The following EPOR variants were observed in gnomAD, a reference collection of about 807,000 sequenced individuals.
EPOR encodes erythropoietin receptor.
In EPOR, 20 loss-of-function variants were observed where a neutral mutation model predicts 34.3. The observed-to-expected ratio is 0.58, with a 90% CI of 0.41 to 0.85. The LOEUF is 0.85. Among genes scored for constraint, EPOR ranks in the 40% least tolerant of loss-of-function variants. EPOR has a pLI of 0.00. For missense variants in EPOR, 601 were observed against 672.7 expected (o/e 0.89, Z 1.18); for synonymous variants, 312 against 299.0 (o/e 1.04, Z -0.45).
rs2144698306 is a variant in EPOR at position 11,381,802 on chromosome 19, T to C, written c.475A>G (p.Ser159Gly). 1 of 1,613,766 alleles carries C rather than the reference T, an allele frequency of 6.2e-7. No individual in the cohort carries two copies. The highest frequency in any genetic ancestry group is 8.5e-7 in the Non-Finnish European group (1 of 1,179,850). ...VGLVARLADE[S>G]GHVVLRWLPP... ...AGCCAGCGCAACACTACGTGGCCGC[T>C]CTCGTCAGCCAACCGCGCCACCAGC... Residue 159 changes from serine to glycine, a missense_variant, in exon 4 of 8, where the codon AGC becomes GGC. Transcript: ENST00000222139. The surrounding 1 kb of genome is among the most constrained non-coding windows in gnomAD (Gnocchi z 5.3).
In EPOR at chr19:11,377,364, A is replaced by C. The variant is rs893380239; in HGVS notation, c.*620T>G. 2.9e-5 allele frequency: 13 copies of C among 453,964 alleles called. No individual in the cohort carries two copies. Among genetic ancestry groups the C allele is most frequent in the Non-Finnish European group, 4.9e-5 (11 of 226,794 alleles). 28.1% of individuals were successfully genotyped at this position (453,964 alleles called of 1,614,324 possible). A position where few individuals can be genotyped will look rare whatever the true frequency, so the allele number is the denominator to read the frequency against. Reference sequence around the variant, plus strand: ...TTCCAGCCAGTGAGGTGTGAGAAGAAGAGAGGAAGCCCATTTCCAGGCCAG... The same window carrying C: ...TTCCAGCCAGTGAGGTGTGAGAAGACGAGAGGAAGCCCATTTCCAGGCCAG... On this transcript the variant is annotated 3_prime_UTR_variant, in exon 8 of 8. Coordinates refer to ENST00000222139, the MANE Select transcript of EPOR (RefSeq NM_000121.4).
Position 11,381,144 on chromosome 19 carries a change from G to C in EPOR, c.651C>G (p.Thr217=). 6.4e-7 allele frequency: 1 copy of C among 1,561,858 alleles called. No homozygotes were observed. The highest frequency in any genetic ancestry group is 8.7e-7 in the Non-Finnish European group (1 of 1,153,276). Residue 217 remains threonine (T), a synonymous_variant, in exon 5 of 8, where the codon ACC becomes ACG. Transcript: ENST00000222139. The surrounding 1 kb of genome is among the most constrained non-coding windows in gnomAD (Gnocchi z 5.3). ...CAGCCATACGCGCGCGGACGGCGAA[G>C]GTGTAGCGCGTCCGGCCCCGCAGGT... ...LSNLRGRTRY[T]FAVRARMAEP...
intron 2 of EPOR, among the ~76,000 whole-genome samples, chr19:11,382,361 CTT>C (rs869111819): frequency 2.9e-3 from 356 of 124,856 alleles, no homozygotes; most frequent in African/African-American, 0.01. Flanking sequence ...CCACGCCTGG[CTT>C]TTTTTTTTTT....
At position 11,381,761 on chromosome 19, in the gene EPOR, T is replaced by A; in HGVS notation, c.516A>T (p.Thr172=). Residue 172 remains threonine, a synonymous_variant, in exon 4 of 8, where the codon ACA becomes ACT. Coordinates refer to ENST00000222139, the MANE Select transcript of EPOR (RefSeq NM_000121.4). The surrounding 1 kb of genome is among the most constrained non-coding windows in gnomAD (Gnocchi z 5.3). ...VVLRWLPPPE[T]PMTSHIRYEV... Reference sequence around the variant, plus strand: ...CGTAGCGGATGTGAGACGTCATGGGTGTCTCAGGCGGCGGGAGCCAGCGCA... The same window carrying A: ...CGTAGCGGATGTGAGACGTCATGGGAGTCTCAGGCGGCGGGAGCCAGCGCA... 6.2e-7 allele frequency: 1 copy of A among 1,613,206 alleles called. No individual in the cohort carries two copies. The highest frequency in any genetic ancestry group is 1.3e-5 in the African/African-American group (1 of 75,014).
chr19:11,379,115 C>T (rs547246773), intron 6 of EPOR, among the ~76,000 whole-genome samples: 1 of 152,136 alleles, frequency 6.6e-6, no homozygotes, highest in Admixed American at 6.5e-5. Context: ...CATTTGAACC[C>T]AGGAGTTCAA....
chr19:11,379,140 A>G (rs1968322672), intron 6 of EPOR, among the ~76,000 whole-genome samples: 1 of 152,156 alleles, frequency 6.6e-6, no homozygotes, highest in Non-Finnish European at 1.5e-5. Context: ...AGCCTAGGAA[A>G]CATAGTGAGA....
chr19:11,383,389 G>A lies in EPOR; in HGVS notation c.116-157C>T, dbSNP rs1284225000. On this transcript the variant is annotated intron_variant, in intron 1 of 7. Coordinates refer to ENST00000222139, the MANE Select transcript of EPOR (RefSeq NM_000121.4). This position sits in a 1 kb window ranked among gnomAD's most constrained non-coding sequence, Gnocchi z 4.9. ...GGGTCCCTTGGAGGGGTCCGCAGAG[G>A]TGGTGCCCCCCTAATTCCCAGGGGC... The A allele has an allele frequency of 2.8e-6, 2 of 703,830 alleles. No homozygotes were observed. Among genetic ancestry groups the A allele is most frequent in the African/African-American group, 1.8e-5 (1 of 55,830 alleles). The allele number at this position is 703,830 out of a possible 1,614,324, so 43.6% of individuals were successfully genotyped here.
chr19:11,383,029 C>T lies in EPOR; in HGVS notation c.251+68G>A, dbSNP rs779647523. The T allele has an allele frequency of 1.9e-6, 3 of 1,609,008 alleles. No individual in the cohort carries two copies. Among genetic ancestry groups the T allele is most frequent in the Middle Eastern group, 1.6e-4 (1 of 6,078 alleles). On this transcript the variant is annotated intron_variant, in intron 2 of 7. Coordinates refer to ENST00000222139, the MANE Select transcript of EPOR (RefSeq NM_000121.4). This position sits in a 1 kb window ranked among gnomAD's most constrained non-coding sequence, Gnocchi z 4.9. ...AAACAGCAGGGGACATACGAGGCTA[C>T]GACCTCCAGGGAGCTCTGCCCCACC... is the stretch of plus-strand genomic sequence containing the variant.
Position 11,381,580 on chromosome 19 carries a change from T to G in EPOR, c.585+112A>C. 1 of 1,083,980 alleles carries G rather than the reference T, an allele frequency of 9.2e-7. No homozygotes were observed. The highest frequency in any genetic ancestry group is 1.3e-6 in the Non-Finnish European group (1 of 747,630). 67.1% of individuals were successfully genotyped at this position (1,083,980 alleles called of 1,614,324 possible). On this transcript the variant is annotated intron_variant, in intron 4 of 7. Transcript: ENST00000222139. This position sits in a 1 kb window ranked among gnomAD's most constrained non-coding sequence, Gnocchi z 5.3. ...GGTCTTCAGCACCAGGGTAATGGGA[T>G]GTGGGATGTTACGGACCGGCCCTGA...
chr19:11,378,325 C>T lies in EPOR; in HGVS notation c.1186G>A (p.Ala396Thr), dbSNP rs1246773722. The T allele has an allele frequency of 1.2e-6, 2 of 1,613,402 alleles. No homozygotes were observed. The highest frequency in any genetic ancestry group is 1.7e-5 in the Admixed American group (1 of 60,022). Residue 396 changes from alanine to threonine, a missense_variant, in exon 8 of 8, where the codon GCC becomes ACC. Ala to Thr is a moderately conservative substitution (Grantham distance 58). Transcript: ENST00000222139. The surrounding 1 kb of genome is among the most constrained non-coding windows in gnomAD (Gnocchi z 5.3). ...GATGCTTCTGAGCCTTCATCCATGG[C>T]CACTATGTCCACACTGCCACCAGGC... Reference protein sequence around the residue: ...PGPGGSVDIVAMDEGSEASSC... With the variant: ...PGPGGSVDIVTMDEGSEASSC...
In EPOR at chr19:11,381,946, G is replaced by A. The variant is rs757740494; in HGVS notation, c.411C>T (p.Ile137=). The A allele has an allele frequency of 3.1e-6, 5 of 1,614,220 alleles. No individual in the cohort carries two copies. The East Asian group carries it at 1.1e-4, about 36-fold the overall frequency. ...AGCACTTACCTACTTCATTGATGTG[G>A]ATGACACGGTGATATCGCGGAGCGC... The part of the protein sequence containing the change: ...ASGAPRYHRV[I]HINEVVLLDA... Residue 137 remains isoleucine (I), a synonymous_variant, in exon 3 of 8, where the codon ATC becomes ATT. Coordinates refer to ENST00000222139, the MANE Select transcript of EPOR (RefSeq NM_000121.4). The surrounding 1 kb of genome is among the most constrained non-coding windows in gnomAD (Gnocchi z 5.3).
chr19:11,382,145 C>G, intron 2 of EPOR, 40 bp from the exon 3 acceptor site: 1 of 1,587,092 alleles, frequency 6.3e-7, no homozygotes, highest in Non-Finnish European at 8.6e-7. Context: ...GAGGGGGGAC[C>G]GGGGAGTTGG....
At chr19:11,380,841 G>A in intron 6 of EPOR, 43 bp downstream of exon 6, 6 of 1,455,076 alleles carry the variant, frequency 4.1e-6, no homozygotes, top group Non-Finnish European at 5.7e-6. Flanking sequence ...GAGGACCGTT[G>A]GCGGGGAGGA....
Position 11,384,204 on chromosome 19 carries a change from C to A in EPOR, c.4G>T (p.Asp2Tyr). Reference protein sequence around the residue: MDHLGASLWPQV... With the variant: MYHLGASLWPQV... ...GGCCAGAGGGACGCCCCGAGGTGGTCCATGATACAGCCCCCGCCACGGGGA... is the reference window on the plus strand; with the variant it reads ...GGCCAGAGGGACGCCCCGAGGTGGTACATGATACAGCCCCCGCCACGGGGA... Residue 2 changes from aspartate to tyrosine, a missense_variant, in exon 1 of 8, where the codon GAC (aspartate) becomes TAC (tyrosine). Coordinates refer to ENST00000222139, the MANE Select transcript of EPOR (RefSeq NM_000121.4). 1 of 1,540,576 alleles carries A rather than the reference C, an allele frequency of 6.5e-7. No homozygotes were observed. The highest frequency in any genetic ancestry group is 1.2e-5 in the South Asian group (1 of 83,858).
At position 11,378,732 on chromosome 19, in the gene EPOR, C is replaced by T. The variant is rs200057444; in HGVS notation, c.874G>A (p.Glu292Lys). The T allele has an allele frequency of 4.0e-5, 64 of 1,614,092 alleles. No homozygotes were observed. The highest frequency in any genetic ancestry group is 5.0e-5 in the Admixed American group (3 of 59,984). The change falls in exon 7 of 8, where the codon GAG (glutamate) becomes AAG (lysine). Residue 292 changes from glutamate to lysine, a missense_variant. Transcript: ENST00000222139. The surrounding 1 kb of genome is among the most constrained non-coding windows in gnomAD (Gnocchi z 5.3). The part of the protein sequence containing the change: ...IWPGIPSPES[E>K]FEGLFTTHKG... ...TGGGTGGTGAAGAGGCCTTCAAACT[C>T]GCTCTCTGGGCTCGGGATGCCAGGC...
rs776798283 is a variant in EPOR, at chr19:11,378,056, G to A, written c.1455C>T (p.Tyr485=). 1 of 1,614,136 alleles carries A rather than the reference G, an allele frequency of 6.2e-7. No individual in the cohort carries two copies. The highest frequency in any genetic ancestry group is 8.5e-7 in the Non-Finnish European group (1 of 1,179,990). Residue 485 remains tyrosine, a synonymous_variant, in exon 8 of 8, where the codon TAC becomes TAT. Coordinates refer to ENST00000222139, the MANE Select transcript of EPOR (RefSeq NM_000121.4). The surrounding 1 kb of genome is among the most constrained non-coding windows in gnomAD (Gnocchi z 5.3). ...TAAGGCTGTTCTCATAAGGGTTGGAGTAGGGGCCATCGGATAAGCCCCCTT... is the reference window on the plus strand; with the variant it reads ...TAAGGCTGTTCTCATAAGGGTTGGAATAGGGGCCATCGGATAAGCCCCCTT... ...GAQGGLSDGP[Y]SNPYENSLIP...
rs1254633566 is a variant in EPOR, at chr19:11,381,987, C to A, written c.370G>T (p.Val124Phe). 2 of 1,614,108 alleles carry A rather than the reference C, an allele frequency of 1.2e-6. No homozygotes were observed. Among genetic ancestry groups the A allele is most frequent in the Non-Finnish European group, 1.7e-6 (2 of 1,180,042 alleles). Residue 124 changes from valine (V) to phenylalanine (F), a missense_variant, in exon 3 of 8, where the codon GTC (valine) becomes TTC (phenylalanine). Coordinates refer to ENST00000222139, the MANE Select transcript of EPOR (RefSeq NM_000121.4). The surrounding 1 kb of genome is among the most constrained non-coding windows in gnomAD (Gnocchi z 5.3). ...CGCGGAGCGCCGGAGGCTGCTGTGA[C>A]GCGCAACTCTAGGGGCACGAAGCTC... ...TSSFVPLELR[V>F]TAASGAPRYH... is the part of the protein sequence containing the mutation.
chr19:11,381,821 C>T lies in EPOR; in HGVS notation c.456G>A (p.Val152=), dbSNP rs1968365189. The T allele has an allele frequency of 1.2e-6, 2 of 1,613,862 alleles. No individual in the cohort carries two copies. The highest frequency in any genetic ancestry group is 1.1e-5 in the South Asian group (1 of 91,088). Reference sequence around the variant, plus strand: ...GGCCGCTCTCGTCAGCCAACCGCGCCACCAGCCCCACGGGGGCGTCTAGGA... The same window carrying T: ...GGCCGCTCTCGTCAGCCAACCGCGCTACCAGCCCCACGGGGGCGTCTAGGA... ...VVLLDAPVGL[V]ARLADESGHV... The change falls in exon 4 of 8, where the codon GTG becomes GTA. Residue 152 remains valine (V), a synonymous_variant. Transcript: ENST00000222139. This position sits in a 1 kb window ranked among gnomAD's most constrained non-coding sequence, Gnocchi z 5.3.
chr19:11,378,093 G>T lies in EPOR; in HGVS notation c.1418C>A (p.Ser473Tyr). The change falls in exon 8 of 8, where the codon TCC becomes TAC. Residue 473 changes from serine to tyrosine, a missense_variant. Transcript: ENST00000222139. This position sits in a 1 kb window ranked among gnomAD's most constrained non-coding sequence, Gnocchi z 5.3. ...GGATAAGCCCCCTTGGGCTCCCTGGGAGTCCCCTGAGCTGTAGTCAGTTGA... is the reference window on the plus strand; with the variant it reads ...GGATAAGCCCCCTTGGGCTCCCTGGTAGTCCCCTGAGCTGTAGTCAGTTGA... The part of the protein sequence containing the change: ...GISTDYSSGD[S>Y]QGAQGGLSDG... The T allele has an allele frequency of 6.2e-7, 1 of 1,614,136 alleles. No homozygotes were observed. The highest frequency in any genetic ancestry group is 8.5e-7 in the Non-Finnish European group (1 of 1,180,016).
Sources: allele counts gnomAD v4.1 joint callset (sites outside exome capture counted in the v4.1 genomes callset), GRCh38; gene constraint gnomAD v4.1.1; non-coding constraint Gnocchi (gnomAD v3.1); transcripts MANE v1.5; gene names NCBI Gene and HGNC (gene_info 2026-07-23, HGNC 2026-07-21).